THSD4: variants seen among roughly 807,000 people sequenced by gnomAD.
The protein encoded by THSD4 is thrombospondin type-1 domain-containing protein 4.
Under a neutral mutation model 119.0 loss-of-function variants are expected in THSD4, and 69 were observed. The observed-to-expected ratio is 0.58, with a 90% CI of 0.48 to 0.71. The LOEUF is 0.71. THSD4 is among the 30% of genes least tolerant of loss of function. THSD4 has a pLI of 0.00. For synonymous variants in THSD4, 524 were observed against 540.4 expected, an observed-to-expected ratio of 0.97 and a Z score of 0.42; for missense variants, 1,393 against 1,391.1, an observed-to-expected ratio of 1.00 and a Z score of -0.02.
chr15:71,352,258 T>C (rs1213307618), intron 6 of THSD4, among the ~76,000 whole-genome samples: 3 of 152,242 alleles, frequency 2.0e-5, no homozygotes, highest in Non-Finnish European at 4.4e-5. Context: ...GGTGTCACTA[T>C]TACGTGCAGC....
At chr15:71,681,832 C>A (rs1007990168) in intron 8 of THSD4, among the ~76,000 whole-genome samples, 13 of 152,104 alleles carry the variant, frequency 8.5e-5, no homozygotes, top group Non-Finnish European at 1.5e-4. Context: ...TGGGGGCAAA[C>A]GGAAGTTGAT....
At chr15:71,259,498 G>T (rs554655500) in intron 6 of THSD4, among the ~76,000 whole-genome samples, 3 of 152,324 alleles carry the variant, frequency 2.0e-5, no homozygotes, top group Admixed American at 2.0e-4. Context: ...TGCTCCAGCT[G>T]ATAGTAGCAG....
intron 6 of THSD4, among the ~76,000 whole-genome samples, chr15:71,285,166 C>T (rs1415889731): frequency 6.6e-6 from 1 of 152,160 alleles, no homozygotes; most frequent in Non-Finnish European, 1.5e-5. Context: ...TTAAATATTA[C>T]TCCATTAAAT....
chr15:71,512,106 CAG>C (rs1321059605), intron 7 of THSD4, among the ~76,000 whole-genome samples: 4 of 152,264 alleles, frequency 2.6e-5, no homozygotes, highest in Non-Finnish European at 5.9e-5. Context: ...GCTAAGAAAT[CAG>C]GGGGTAACCG....
intron 7 of THSD4, among the ~76,000 whole-genome samples, chr15:71,510,419 A>G (rs537185582): frequency 6.6e-6 from 1 of 152,370 alleles, no homozygotes; most frequent in Non-Finnish European, 1.5e-5. Context: ...GAGATTGATA[A>G]TAAATGCACG....
chr15:71,270,123 A>G (rs2044511348), intron 6 of THSD4, among the ~76,000 whole-genome samples: 3 of 152,226 alleles, frequency 2.0e-5, no homozygotes, highest in African/African-American at 2.4e-5. Flanking sequence ...ATGGAACCCA[A>G]AAAGAGCCCA....
intron 8 of THSD4, among the ~76,000 whole-genome samples, chr15:71,715,249 T>C (rs1236134325): frequency 6.6e-6 from 1 of 152,216 alleles, no homozygotes; most frequent in Non-Finnish European, 1.5e-5. Context: ...CCTGTGTTTT[T>C]TAGGTTAACT....
intron 7 of THSD4, among the ~76,000 whole-genome samples, chr15:71,557,750 A>T (rs770628306): frequency 3.3e-5 from 5 of 152,190 alleles, no homozygotes; most frequent in Non-Finnish European, 7.3e-5. Flanking sequence ...TTTCCAGTTT[A>T]TTAACATAAA....
In THSD4 at chr15:71,592,578, G is replaced by A. The variant is rs997901158; in HGVS notation, c.1153-67952G>A. 9.9e-5 allele frequency among the ~76,000 whole-genome samples: 15 copies of A among 151,988 alleles called. No individual in the cohort carries two copies. In the East Asian group the frequency reaches 1.2e-3, roughly 12 times the overall value. On this transcript the variant is annotated intron_variant, in intron 7 of 17. Coordinates refer to ENST00000261862, the MANE Select transcript of THSD4 (RefSeq NM_024817.3). ...TGTCACTGTTCTATACGTGGTGATCGGGTTCCCAGACCTGTCTATAAAAGT... is the reference window on the plus strand; with the variant it reads ...TGTCACTGTTCTATACGTGGTGATCAGGTTCCCAGACCTGTCTATAAAAGT...
chr15:71,495,331 G>T (rs372043868), intron 7 of THSD4, among the ~76,000 whole-genome samples: 12 of 152,096 alleles, frequency 7.9e-5, no homozygotes, highest in Admixed American at 3.3e-4. Flanking sequence ...AACCAGAGAA[G>T]AAAGCCCGCA....
chr15:71,435,218 C>T (rs2046996797), intron 7 of THSD4, among the ~76,000 whole-genome samples: 1 of 152,058 alleles, frequency 6.6e-6, no homozygotes, highest in African/African-American at 2.4e-5. Flanking sequence ...GGTTCTCTGA[C>T]TGGGAAACCA....
intron 16 of THSD4, chr15:71,767,310 A>G (rs1225679538): frequency 6.6e-6 from 1 of 152,252 alleles, no homozygotes; most frequent in East Asian, 1.9e-4. Context: ...TGAAAATACA[A>G]TGAAACAAAT....
In THSD4 at chr15:71,747,039, C is replaced by T. The variant is rs2053353356; in HGVS notation, c.2238C>T (p.Thr746=). ...CSEWQIRTDW[T]SCSVPCGVGQ... ...AGTGGCAGATCCGGACCGACTGGAC[C>T]TCGGTACGCAGGCAGGGCAGCCCGC... is the stretch of plus-strand genomic sequence containing the variant. Residue 746 remains threonine, a synonymous_variant, in exon 13 of 18, where the codon ACC becomes ACT. Coordinates refer to ENST00000261862, the MANE Select transcript of THSD4 (RefSeq NM_024817.3). The T allele has an allele frequency of 6.2e-7, 1 of 1,603,896 alleles. No homozygotes were observed. The highest frequency in any genetic ancestry group is 8.5e-7 in the Non-Finnish European group (1 of 1,177,180).
rs146735949 is a variant in THSD4 at position 71,703,501 on chromosome 15, AT to A, written c.1358-25046del. 3.3e-5 allele frequency among the ~76,000 whole-genome samples: 5 copies of A among 152,290 alleles called. No individual in the cohort carries two copies. The East Asian group carries it at 9.6e-4, about 29-fold the overall frequency. On this transcript the variant is annotated intron_variant, in intron 8 of 17. Transcript: ENST00000261862. Reference sequence around the variant, plus strand: ...TCAATCATTCCTGGTTAGTGGCCTGATTAAGCAAGGGAGGAACCTATGAGTG... The same window carrying A: ...TCAATCATTCCTGGTTAGTGGCCTGATAAGCAAGGGAGGAACCTATGAGTG...
chr15:71,527,563 G>A (rs899887960), intron 7 of THSD4, among the ~76,000 whole-genome samples: 3 of 151,952 alleles, frequency 2.0e-5, no homozygotes, highest in Non-Finnish European at 4.4e-5. Context: ...ATCCATTCCC[G>A]ACATCATCAG....
At chr15:71,521,271 G>A (rs183862217) in intron 7 of THSD4, among the ~76,000 whole-genome samples, 1 of 152,220 alleles carries the variant, frequency 6.6e-6, no homozygotes, top group East Asian at 1.9e-4. Flanking sequence ...AAGAAAAATG[G>A]TGGGATTATG....
chr15:71,256,515 A>C (rs1431572229), intron 5 of THSD4, 98 bp from the exon 6 acceptor site: 9 of 806,964 alleles, frequency 1.1e-5, no homozygotes, highest in Non-Finnish European at 1.6e-5. Flanking sequence ...AAAAATAAAA[A>C]ATAAATAAAG....
In THSD4 at chr15:71,231,399, G is replaced by T. The variant is rs560758482; in HGVS notation, c.465-11250G>T. Among the ~76,000 whole-genome samples, 7 of 152,270 alleles carry T rather than the reference G, an allele frequency of 4.6e-5. No individual in the cohort carries two copies. In the South Asian group the frequency reaches 1.2e-3, roughly 27 times the overall value. The stretch of plus-strand genomic sequence containing the variant: ...GTCACTGAGTATAGGGTCTTCTAGA[G>T]GCTTGGCTTCCTGGTGCAAAAAAAG... On this transcript the variant is annotated intron_variant, in intron 4 of 17. Coordinates refer to ENST00000261862, the MANE Select transcript of THSD4 (RefSeq NM_024817.3).
At chr15:71,097,575 A>C (rs1042593003) in intron 1 of THSD4, among the ~76,000 whole-genome samples, 6 of 151,394 alleles carry the variant, frequency 4.0e-5, no homozygotes, top group African/African-American at 1.5e-4. Flanking sequence ...CGAAAAAAAA[A>C]AACAACAACA....
Sources: gnomAD v4.1 joint callset for allele counts (sites outside exome capture counted in the v4.1 genomes callset) on GRCh38, gnomAD v4.1.1 for gene constraint, MANE v1.5 for transcripts, NCBI Gene and HGNC (gene_info 2026-07-23, HGNC 2026-07-21) for gene names.